DLGAP2: variants seen among roughly 807,000 people sequenced by gnomAD.
The protein encoded by DLGAP2 is disks large-associated protein 2.
In DLGAP2, 26 loss-of-function variants were observed where a neutral mutation model predicts 100.3. That is an observed-to-expected ratio of 0.26 (90% confidence interval 0.19 to 0.36). The LOEUF (loss-of-function observed/expected upper bound fraction) is 0.36. Among genes scored for constraint, DLGAP2 ranks in the 10% least tolerant of loss-of-function variants. The probability of loss-of-function intolerance (pLI) is 1.00; values close to 1 mark genes in which losing one functional copy is unlikely to be tolerated. For synonymous variants in DLGAP2, 886 were observed against 630.1 expected, an observed-to-expected ratio of 1.41 and a Z score of -6.08; for missense variants, 1,858 against 1,453.2, an observed-to-expected ratio of 1.28 and a Z score of -4.53.
chr8:1,470,451 C>T, intron 3 of DLGAP2, among the ~76,000 whole-genome samples: 1 of 152,188 alleles, frequency 6.6e-6, no homozygotes, highest in East Asian at 1.9e-4. Flanking sequence ...TTAATATCAT[C>T]CCTGCTGAAA....
At chr8:1,407,477 G>A (rs1434162211) in intron 3 of DLGAP2, among the ~76,000 whole-genome samples, 201 of 81,244 alleles carry the variant, frequency 2.5e-3, no homozygotes, top group Middle Eastern at 0.013. Context: ...CATCCTCCAG[G>A]GTAGTGTATT....
At chr8:1,068,767 C>T (rs1287152849) in intron 2 of DLGAP2, among the ~76,000 whole-genome samples, 1 of 152,134 alleles carries the variant, frequency 6.6e-6, no homozygotes, top group Non-Finnish European at 1.5e-5. Flanking sequence ...GGGTCATGGG[C>T]CCCTCCCCAA....
chr8:893,770 C>T (rs1307053448), intron 1 of DLGAP2, among the ~76,000 whole-genome samples: 1 of 152,246 alleles, frequency 6.6e-6, no homozygotes, highest in Non-Finnish European at 1.5e-5. Flanking sequence ...CAGGTGCTGT[C>T]CTAGGCTCTG....
At chr8:1,465,227 C>A (rs73672724) in intron 3 of DLGAP2, among the ~76,000 whole-genome samples, 2 of 152,370 alleles carry the variant, frequency 1.3e-5, no homozygotes, top group East Asian at 1.9e-4. Flanking sequence ...GCAAGCCCCC[C>A]ACACGTGGGT....
At chr8:766,979 C>G (rs7464631) in intron 1 of DLGAP2, among the ~76,000 whole-genome samples, 115,512 of 152,088 alleles carry the variant, frequency 0.76, 44,100 homozygotes, top group East Asian at 0.85. Flanking sequence ...CCTCCTCCTG[C>G]GGTGCACTGG....
chr8:949,130 T>G (rs1426024587), intron 2 of DLGAP2, among the ~76,000 whole-genome samples: 1 of 152,094 alleles, frequency 6.6e-6, no homozygotes, highest in African/African-American at 2.4e-5. Context: ...AGAGGTTGGG[T>G]ATTTAGAGAT....
chr8:1,357,441 A>G (rs1801882083), intron 3 of DLGAP2, among the ~76,000 whole-genome samples: 1 of 148,986 alleles, frequency 6.7e-6, no homozygotes, highest in Non-Finnish European at 1.5e-5. Flanking sequence ...TAAAACAGTC[A>G]CTGCAATTAT....
At chr8:825,642 T>G (rs1796673338) in intron 1 of DLGAP2, among the ~76,000 whole-genome samples, 1 of 152,204 alleles carries the variant, frequency 6.6e-6, no homozygotes. Flanking sequence ...AGTTTATCCA[T>G]TTTATTGATT....
intron 2 of DLGAP2, among the ~76,000 whole-genome samples, chr8:960,556 C>T (rs1272596730): frequency 6.6e-6 from 1 of 151,988 alleles, no homozygotes; most frequent in Non-Finnish European, 1.5e-5. Context: ...CTTCTGTGAT[C>T]GTAAATCTCC....
intron 1 of DLGAP2, among the ~76,000 whole-genome samples, chr8:758,829 G>A (rs1473445708): frequency 6.6e-6 from 1 of 152,060 alleles, no homozygotes; most frequent in Non-Finnish European, 1.5e-5. Context: ...CCGAAGTGCT[G>A]AGATTACAGA....
intron 4 of DLGAP2, among the ~76,000 whole-genome samples, chr8:1,528,207 C>T (rs528874469): frequency 4.7e-4 from 71 of 152,276 alleles, no homozygotes; most frequent in African/African-American, 1.5e-3. Context: ...ACAGCTGCCC[C>T]GAGGCTTTCT....
chr8:1,228,808 C>CTA (rs1798475426), intron 2 of DLGAP2, among the ~76,000 whole-genome samples: 1 of 152,084 alleles, frequency 6.6e-6, no homozygotes, highest in Non-Finnish European at 1.5e-5. Context: ...TACGAACAAC[C>CTA]TATAGTTAAC....
At chr8:922,380 C>G (rs1301736141) in intron 2 of DLGAP2, among the ~76,000 whole-genome samples, 1 of 152,134 alleles carries the variant, frequency 6.6e-6, no homozygotes, top group African/African-American at 2.4e-5. Flanking sequence ...TGCCGAATTT[C>G]TTATTTCGAG....
At chr8:1,196,100 G>T (rs13273765) in intron 2 of DLGAP2, among the ~76,000 whole-genome samples, 12 of 152,038 alleles carry the variant, frequency 7.9e-5, no homozygotes, top group African/African-American at 2.9e-4. Context: ...AGGCATCACC[G>T]ATATCCAGGG....
chr8:1,429,041 A>G (rs1029291534), intron 3 of DLGAP2, among the ~76,000 whole-genome samples: 6 of 152,250 alleles, frequency 3.9e-5, no homozygotes, highest in African/African-American at 1.2e-4. Flanking sequence ...GGGCAGCACC[A>G]GACTGCAAGC....
intron 1 of DLGAP2, among the ~76,000 whole-genome samples, chr8:747,061 C>G (rs1212458257): frequency 6.6e-6 from 1 of 151,836 alleles, no homozygotes; most frequent in Non-Finnish European, 1.5e-5. Flanking sequence ...GGTGGTTTTA[C>G]TCGCCCTCCT....
At chr8:952,487 A>G (rs1392451378) in intron 2 of DLGAP2, among the ~76,000 whole-genome samples, 3 of 152,158 alleles carry the variant, frequency 2.0e-5, no homozygotes, top group Admixed American at 2.0e-4. Context: ...AAATACAAAA[A>G]TTAGTTGGGT....
chr8:892,310 A>G (rs1365015684), intron 1 of DLGAP2, among the ~76,000 whole-genome samples: 7 of 152,174 alleles, frequency 4.6e-5, no homozygotes, highest in Admixed American at 4.6e-4. Context: ...GTGTCCGTCC[A>G]TGGATGGGAG....
Position 988,416 on chromosome 8 carries a change from A to G in DLGAP2, c.73+80450A>G, listed in dbSNP as rs907057940. Among the ~76,000 whole-genome samples, 10 of 152,176 alleles carry G rather than the reference A, an allele frequency of 6.6e-5. No individual in the cohort carries two copies. The East Asian group carries it at 1.2e-3, about 18-fold the overall frequency. On this transcript the variant is annotated intron_variant, in intron 2 of 14. Coordinates refer to ENST00000637795, the MANE Select transcript of DLGAP2 (RefSeq NM_001346810.2). Reference sequence around the variant, plus strand: ...GTAACACTCAGCCTTAAATTCTCTTATTACCTGCCCAAAGTCATTTCCTTT... The same window carrying G: ...GTAACACTCAGCCTTAAATTCTCTTGTTACCTGCCCAAAGTCATTTCCTTT...
Sources: allele counts gnomAD v4.1 joint callset (sites outside exome capture counted in the v4.1 genomes callset), GRCh38; gene constraint gnomAD v4.1.1; transcripts MANE v1.5; gene names NCBI Gene and HGNC (gene_info 2026-07-23, HGNC 2026-07-21).